SPTAN1: variants seen among roughly 807,000 people sequenced by gnomAD.
The protein encoded by SPTAN1 is spectrin alpha chain, non-erythrocytic 1.
A neutral mutation model predicts 331.3 loss-of-function variants in SPTAN1; 61 were observed. That is an observed-to-expected ratio of 0.18 (90% CI 0.15 to 0.23). SPTAN1 has a LOEUF of 0.23. Ranked by LOEUF, SPTAN1 falls within the 10% of genes least tolerant of loss-of-function variation. SPTAN1 has a pLI of 1.00. For missense variants in SPTAN1, 2,043 were observed against 3,147.9 expected, an observed-to-expected ratio of 0.65 and a Z score of 8.40; for synonymous variants, 1,153 against 1,173.9, an observed-to-expected ratio of 0.98 and a Z score of 0.36.
chr9:128,619,029 C>G, intron 44 of SPTAN1, 26 bp downstream of exon 44: 1 of 1,612,902 alleles, frequency 6.2e-7, no homozygotes, highest in Non-Finnish European at 8.5e-7. Context: ...AAGGTGTCAC[C>G]TGCTTTCTCT....
chr9:128,566,639 G>C, intron 1 of SPTAN1, 99 bp from the exon 2 acceptor site: 23 of 1,556,454 alleles, frequency 1.5e-5, no homozygotes, highest in Non-Finnish European at 2.0e-5. Flanking sequence ...TGTCTCCTGG[G>C]TTTATCTGAT....
In SPTAN1 at chr9:128,632,727, A is replaced by C. The variant is rs748642362; in HGVS notation, c.7160+9A>C. On this transcript the variant is annotated intron_variant, in intron 55 of 56. Coordinates refer to ENST00000372739, the MANE Select transcript of SPTAN1 (RefSeq NM_001130438.3). ...ACGGTGGATCCGAACAGGTAAATTA[A>C]TTAAGGCCAGGTGCTGTGAGCCTCT... The C allele has an allele frequency of 6.2e-7, 1 of 1,614,034 alleles. No homozygotes were observed. The highest frequency in any genetic ancestry group is 1.1e-5 in the South Asian group (1 of 91,084).
At chr9:128,561,662 CAAAAAAAAAAAAAA>C (rs762156669) in intron 1 of SPTAN1, among the ~76,000 whole-genome samples, 2 of 15,984 alleles carry the variant, frequency 1.3e-4, no homozygotes, top group South Asian at 3.4e-3. Context: ...GACTCCGTCT[CAAAAAAAAAAAAAA>C]AAAAAAAAAA....
chr9:128,604,608 C>T (rs574958192), intron 29 of SPTAN1, among the ~76,000 whole-genome samples, 191 bp downstream of exon 29: 143 of 152,292 alleles, frequency 9.4e-4, no homozygotes, highest in African/African-American at 3.1e-3. Flanking sequence ...TTGGTGGTAG[C>T]CACAGACAAA....
In SPTAN1 at chr9:128,625,542, G is replaced by A. The variant is rs1353459334; in HGVS notation, c.6070-227G>A. On this transcript the variant is annotated intron_variant, in intron 47 of 56. Transcript: ENST00000372739. This position sits in a 1 kb window ranked among gnomAD's most constrained non-coding sequence, Gnocchi z 4.1. ...GGCAGAGCTGGCAGGGATCCCTGGG[G>A]CGGGAGAGCGGAAGGCTGGGGTCAG... 1.3e-5 allele frequency among the ~76,000 whole-genome samples: 2 copies of A among 152,194 alleles called. No homozygotes were observed. Among genetic ancestry groups the A allele is most frequent in the South Asian group, 4.1e-4 (2 of 4,828 alleles).
At chr9:128,628,052 C>T (rs750388353) in intron 51 of SPTAN1, 110 bp downstream of exon 51, 23 of 1,359,126 alleles carry the variant, frequency 1.7e-5, no homozygotes, top group East Asian at 6.9e-5. Flanking sequence ...CTGCCCAGGG[C>T]GGGCTGCACT....
intron 44 of SPTAN1, among the ~76,000 whole-genome samples, chr9:128,620,200 C>G (rs1369465569): frequency 6.6e-6 from 1 of 152,214 alleles, no homozygotes; most frequent in African/African-American, 2.4e-5. Flanking sequence ...GTATCATGGT[C>G]AGATATGACT....
rs751477608 is a variant in SPTAN1 at position 128,627,977 on chromosome 9, A to C, written c.6707+35A>C. ...GTTTTCTTCCTTCTCTGGGCTTGTCATGTGGGGGTCTCGTGCGCTTGCCCC... is the reference window on the plus strand; with the variant it reads ...GTTTTCTTCCTTCTCTGGGCTTGTCCTGTGGGGGTCTCGTGCGCTTGCCCC... On this transcript the variant is annotated intron_variant, in intron 51 of 56. Coordinates refer to ENST00000372739, the MANE Select transcript of SPTAN1 (RefSeq NM_001130438.3). This position sits in a 1 kb window ranked among gnomAD's most constrained non-coding sequence, Gnocchi z 4.9. 5.0e-6 allele frequency: 8 copies of C among 1,613,772 alleles called. No homozygotes were observed. The East Asian group carries it at 1.8e-4, about 36-fold the overall frequency.
intron 6 of SPTAN1, 32 bp downstream of exon 6, chr9:128,576,988 G>A (rs1320609545): frequency 6.2e-7 from 1 of 1,613,938 alleles, no homozygotes; most frequent in Non-Finnish European, 8.5e-7. Context: ...TGGGGAATGG[G>A]TCTCAACCTG....
chr9:128,589,025 T>C, intron 21 of SPTAN1, 82 bp downstream of exon 21: 2 of 1,569,708 alleles, frequency 1.3e-6, no homozygotes, highest in Non-Finnish European at 1.7e-6. Flanking sequence ...GGGTTGCATG[T>C]CTCCCTGAAA....
intron 45 of SPTAN1, among the ~76,000 whole-genome samples, 179 bp from the exon 46 acceptor site, chr9:128,624,149 G>A (rs1858372486): frequency 7.0e-6 from 1 of 143,672 alleles, no homozygotes; most frequent in Non-Finnish European, 1.5e-5. Context: ...ACGTGTATTT[G>A]TGTGAAGCCT....
chr9:128,590,003 G>C (rs924451377), intron 21 of SPTAN1, among the ~76,000 whole-genome samples: 2 of 152,148 alleles, frequency 1.3e-5, no homozygotes, highest in African/African-American at 4.8e-5. Context: ...AATCCATCCT[G>C]GTCCACCAGC....
chr9:128,588,123 G>A (rs1351130818), intron 20 of SPTAN1, among the ~76,000 whole-genome samples: 1 of 150,188 alleles, frequency 6.7e-6, no homozygotes, highest in African/African-American at 2.5e-5. Flanking sequence ...TCAGCCTCCT[G>A]AGTAGCTGGG....
intron 48 of SPTAN1, 152 bp from the exon 49 acceptor site, chr9:128,626,239 G>T: frequency 1.9e-6 from 2 of 1,072,692 alleles, no homozygotes; most frequent in Non-Finnish European, 2.8e-6. Context: ...AGACTTGAAG[G>T]GGGAGCAGGA....
rs770359554 is a variant in SPTAN1 at position 128,584,370 on chromosome 9, C to A, written c.2282C>A (p.Ala761Asp). The A allele has an allele frequency of 4.3e-6, 7 of 1,614,044 alleles. No individual in the cohort carries two copies. Among genetic ancestry groups the A allele is most frequent in the Non-Finnish European group, 5.9e-6 (7 of 1,180,046 alleles). Reference protein sequence around the residue: ...DAENIKKKQEALVARYEALKE... With the variant: ...DAENIKKKQEDLVARYEALKE... ...GAAAACATCAAGAAGAAACAGGAAG[C>A]CCTCGTGGCTCGCTATGAGGCACTC... The change falls in exon 17 of 57, where the codon GCC becomes GAC. Residue 761 changes from alanine (A) to aspartate (D), a missense_variant. Transcript: ENST00000372739.
chr9:128,608,644 C>G (rs1191976387), intron 34 of SPTAN1, among the ~76,000 whole-genome samples: 2 of 152,176 alleles, frequency 1.3e-5, no homozygotes, highest in Non-Finnish European at 2.9e-5. Flanking sequence ...AACACCTGCC[C>G]CACCTGAGTG....
chr9:128,621,044 T>A, intron 44 of SPTAN1, 114 bp from the exon 45 acceptor site: 1 of 825,068 alleles, frequency 1.2e-6, no homozygotes, highest in Non-Finnish European at 2.1e-6. Flanking sequence ...CCAGCTAGAC[T>A]GTAATGTGTG....
chr9:128,580,694 C>T (rs1041755450), intron 10 of SPTAN1, among the ~76,000 whole-genome samples: 5 of 152,122 alleles, frequency 3.3e-5, no homozygotes, highest in African/African-American at 1.2e-4. Context: ...TACCTAAAGT[C>T]ATTTGTGATC....
chr9:128,591,388 G>A (rs1312404522), intron 21 of SPTAN1, 89 bp from the exon 22 acceptor site: 4 of 1,563,480 alleles, frequency 2.6e-6, no homozygotes, highest in East Asian at 2.3e-5. Context: ...TTAAAACAAC[G>A]CTCTCGTGTG....
Sources: gnomAD v4.1 joint callset for allele counts (sites outside exome capture counted in the v4.1 genomes callset) on GRCh38, gnomAD v4.1.1 for gene constraint, Gnocchi (gnomAD v3.1) non-coding constraint, MANE v1.5 for transcripts, NCBI Gene and HGNC (gene_info 2026-07-23, HGNC 2026-07-21) for gene names.